GLUD1: variants seen among roughly 807,000 people sequenced by gnomAD.
GLUD1 encodes glutamate dehydrogenase 1, mitochondrial.
In GLUD1, 22 loss-of-function variants were observed where a neutral mutation model predicts 56.0. The observed-to-expected ratio is 0.39, with a 90% CI of 0.28 to 0.56. The LOEUF is 0.56. GLUD1 is among the 20% of genes least tolerant of loss of function. GLUD1 has a pLI of 0.58. For synonymous variants in GLUD1, 223 were observed against 269.9 expected, an observed-to-expected ratio of 0.83 and a Z score of 1.70; for missense variants, 451 against 732.0, an observed-to-expected ratio of 0.62 and a Z score of 4.43.
At chr10:87,069,029 T>G (rs1846149989) in intron 4 of GLUD1, among the ~76,000 whole-genome samples, 1 of 151,074 alleles carries the variant, frequency 6.6e-6, no homozygotes. Context: ...GTAACTTATA[T>G]CCATGTAAAT....
At chr10:87,055,234 A>C (rs981453698) in intron 11 of GLUD1, among the ~76,000 whole-genome samples, 1 of 152,126 alleles carries the variant, frequency 6.6e-6, no homozygotes, top group Admixed American at 6.6e-5. Flanking sequence ...GTGTTAACAA[A>C]GGAGTATGAC....
intron 1 of GLUD1, among the ~76,000 whole-genome samples, chr10:87,086,217 G>A (rs1451542496): frequency 3.3e-5 from 5 of 152,164 alleles, no homozygotes; most frequent in Non-Finnish European, 7.4e-5. Flanking sequence ...ATTTCCCTAA[G>A]GATAATTTTA....
At chr10:87,087,552 A>G (rs1253136924) in intron 1 of GLUD1, among the ~76,000 whole-genome samples, 1 of 152,202 alleles carries the variant, frequency 6.6e-6, no homozygotes, top group East Asian at 1.9e-4. Context: ...TTAGAACAAA[A>G]GATGCTCCTA....
chr10:87,062,077 C>T (rs898557603), intron 6 of GLUD1, among the ~76,000 whole-genome samples: 14 of 152,138 alleles, frequency 9.2e-5, no homozygotes, highest in Non-Finnish European at 1.5e-4. Context: ...CCACCACGCC[C>T]GGCTTAATTT....
intron 1 of GLUD1, among the ~76,000 whole-genome samples, chr10:87,081,570 A>G (rs1228253264): frequency 6.6e-6 from 1 of 152,098 alleles, no homozygotes; most frequent in Non-Finnish European, 1.5e-5. Flanking sequence ...AAAGAAGTAG[A>G]CATGGGAGAC....
At chr10:87,081,681 G>A (rs1282118605) in intron 1 of GLUD1, among the ~76,000 whole-genome samples, 1 of 152,104 alleles carries the variant, frequency 6.6e-6, no homozygotes, top group East Asian at 1.9e-4. Flanking sequence ...CATGTGCTGT[G>A]TCCACTCAGG....
chr10:87,079,201 C>T (rs1030684734), intron 1 of GLUD1, among the ~76,000 whole-genome samples: 1 of 151,018 alleles, frequency 6.6e-6, no homozygotes, highest in Non-Finnish European at 1.5e-5. Context: ...AAAAGAATTT[C>T]CAGTCAGATA....
At chr10:87,086,518 C>G (rs1240495123) in intron 1 of GLUD1, among the ~76,000 whole-genome samples, 2 of 152,106 alleles carry the variant, frequency 1.3e-5, no homozygotes, top group Non-Finnish European at 1.5e-5. Context: ...ATTATTCATC[C>G]AACAAACATA....
Position 87,068,169 on chromosome 10 carries a change from C to T in GLUD1, c.647-12G>A, listed in dbSNP as rs1214215314. The T allele has an allele frequency of 6.4e-7, 1 of 1,568,378 alleles. No homozygotes were observed. Among genetic ancestry groups the T allele is most frequent in the African/African-American group, 1.3e-5 (1 of 74,224 alleles). On this transcript the variant is annotated splice_polypyrimidine_tract_variant and intron_variant, in intron 4 of 12. Coordinates refer to ENST00000277865, the MANE Select transcript of GLUD1 (RefSeq NM_005271.5). The stretch of plus-strand genomic sequence containing the variant: ...ATCAATGCCAGGACCTGCGGGGGCA[C>T]AGGGAAAGAGGAGTGCACCAGTTTT...
intron 1 of GLUD1, among the ~76,000 whole-genome samples, chr10:87,078,459 T>C (rs558404746): frequency 5.3e-5 from 8 of 152,348 alleles, no homozygotes; most frequent in South Asian, 2.1e-4. Context: ...GCATTATACA[T>C]GTGTTTATTA....
In GLUD1 at chr10:87,076,016, C is replaced by T. The variant is rs764675203; in HGVS notation, c.534G>A (p.Pro178=). The T allele has an allele frequency of 3.4e-5, 55 of 1,599,346 alleles. No individual in the cohort carries two copies. The highest frequency in any genetic ancestry group is 5.4e-5 in the African/African-American group (4 of 74,740). ...TAACACCAGCTTTAGCACCCCCAAA[C>T]GGCACATCTGAAAGAGAAGGCTGAT... The part of the protein sequence containing the change: ...MTYKCAVVDV[P]FGGAKAGVKI... The change falls in exon 3 of 13, where the codon CCG becomes CCA. Residue 178 remains proline (P), a synonymous_variant. Coordinates refer to ENST00000277865, the MANE Select transcript of GLUD1 (RefSeq NM_005271.5).
chr10:87,071,036 G>C (rs995346003), intron 4 of GLUD1, among the ~76,000 whole-genome samples: 2 of 151,854 alleles, frequency 1.3e-5, no homozygotes, highest in African/African-American at 4.8e-5. Flanking sequence ...GGCTGAGGCA[G>C]GAGAATGGCG....
At chr10:87,090,124 A>AT (rs375881136) in intron 1 of GLUD1, among the ~76,000 whole-genome samples, 3 of 152,148 alleles carry the variant, frequency 2.0e-5, no homozygotes, top group East Asian at 1.9e-4. Flanking sequence ...AGTGTCTAGG[A>AT]TTTTTTCAAC....
intron 1 of GLUD1, among the ~76,000 whole-genome samples, chr10:87,090,050 A>C (rs1841474734): frequency 6.6e-6 from 1 of 152,198 alleles, no homozygotes. Flanking sequence ...TATTACTTAC[A>C]TTGTAAAAGC....
At chr10:87,068,819 GA>G (rs1399677221) in intron 4 of GLUD1, among the ~76,000 whole-genome samples, 2 of 151,858 alleles carry the variant, frequency 1.3e-5, no homozygotes, top group Non-Finnish European at 2.9e-5. Context: ...GCAATAACAG[GA>G]ATCACTGACT....
intron 11 of GLUD1, among the ~76,000 whole-genome samples, chr10:87,054,522 T>C (rs1241833447): frequency 6.6e-6 from 1 of 152,114 alleles, no homozygotes; most frequent in Non-Finnish European, 1.5e-5. Context: ...GAACTGCTGA[T>C]AGGTCAAGCA....
chr10:87,057,653 G>A lies in GLUD1; in HGVS notation c.1494+38C>T, dbSNP rs1425972861. On this transcript the variant is annotated intron_variant, in intron 11 of 12. Transcript: ENST00000277865. ...CTCTGTCTGAAGGAAAGAGCAGGGA[G>A]CATGTGTGAAGTACAACTGTGGGGT... 3.1e-6 allele frequency: 3 copies of A among 981,450 alleles called. No individual in the cohort carries two copies. In the South Asian group the frequency reaches 3.8e-5, roughly 12 times the overall value. 60.8% of individuals were successfully genotyped at this position (981,450 alleles called of 1,614,324 possible). A position where few individuals can be genotyped will look rare whatever the true frequency, so the allele number is the denominator to read the frequency against.
chr10:87,062,888 G>A, intron 5 of GLUD1, 53 bp from the exon 6 acceptor site: 1 of 1,509,386 alleles, frequency 6.6e-7, no homozygotes, highest in Non-Finnish European at 9.2e-7. Flanking sequence ...TTTCTCTGTT[G>A]AAGGAACATA....
At position 87,094,715 on chromosome 10, in the gene GLUD1, G is replaced by A. The variant is rs892387294; in HGVS notation, c.55C>T (p.Leu19=). The change falls in exon 1 of 13, where the codon CTG becomes TTG. Residue 19 remains leucine, a synonymous_variant. Transcript: ENST00000277865. The surrounding 1 kb of genome is among the most constrained non-coding windows in gnomAD (Gnocchi z 6.6). ...LLLSRAGPAA[L]GSASADSAAL... is the part of the protein sequence containing the mutation. Reference sequence around the variant, plus strand: ...GCCGAGTCGGCGGACGCCGAGCCCAGGGCAGCGGGCCCGGCCCGGGACAGC... The same window carrying A: ...GCCGAGTCGGCGGACGCCGAGCCCAAGGCAGCGGGCCCGGCCCGGGACAGC... The A allele has an allele frequency of 6.1e-5, 92 of 1,508,542 alleles. No individual in the cohort carries two copies. The highest frequency in any genetic ancestry group is 8.1e-5 in the Non-Finnish European group (91 of 1,128,314). The allele number at this position is 1,508,542 out of a possible 1,614,324, so 93.4% of individuals were successfully genotyped here. A position where few individuals can be genotyped will look rare whatever the true frequency, so the allele number is the denominator to read the frequency against.
Sources: allele counts gnomAD v4.1 joint callset (sites outside exome capture counted in the v4.1 genomes callset), GRCh38; gene constraint gnomAD v4.1.1; non-coding constraint Gnocchi (gnomAD v3.1); transcripts MANE v1.5; gene names NCBI Gene and HGNC (gene_info 2026-07-23, HGNC 2026-07-21).